DNAH1: variants seen among roughly 807,000 people sequenced by gnomAD.
DNAH1 encodes axonemal beta dynein heavy chain 1.
DNAH1 carries 327 observed loss-of-function variants against 484.3 expected under a neutral mutation model. That is an observed-to-expected ratio of 0.68 (90% CI 0.62 to 0.74). The LOEUF (loss-of-function observed/expected upper bound fraction) is 0.74. Ranked by LOEUF, DNAH1 falls within the 30% of genes least tolerant of loss-of-function variation. The pLI is 0.00. For synonymous variants in DNAH1, 2,192 were observed against 2,191.9 expected (o/e 1.00, Z 0.00); for missense variants, 5,052 against 5,546.8 (o/e 0.91, Z 2.83).
At chr3:52,311,269 T>C in the DNAH1 span, among the ~76,000 whole-genome samples, 1 of 152,258 alleles carries the variant, frequency 6.6e-6, no homozygotes, top group Non-Finnish European at 1.5e-5. Flanking sequence ...GGTCTGGCTC[T>C]GCCACTGGCT....
Position 52,361,109 on chromosome 3 carries a change from A to AG in DNAH1, c.4686-50dup. ...CCAGTCCACAGGAAATTCCAAGGAA[A>AG]GGGGGAGTGTCCAGGCCATGTGCGG... On this transcript the variant is annotated intron_variant, in intron 28 of 77. Transcript: ENST00000420323. The surrounding 1 kb of genome is among the most constrained non-coding windows in gnomAD (Gnocchi z 5.6). The AG allele has an allele frequency of 7.2e-7, 1 of 1,392,950 alleles. No individual in the cohort carries two copies. Among genetic ancestry groups the AG allele is most frequent in the Middle Eastern group, 1.9e-4 (1 of 5,164 alleles). 86.3% of individuals were successfully genotyped at this position (1,392,950 alleles called of 1,614,324 possible).
chr3:52,372,318 T>A lies in DNAH1; in HGVS notation c.6758T>A (p.Phe2253Tyr), dbSNP rs896685100. The change falls in exon 43 of 78, where the codon TTC (phenylalanine) becomes TAC (tyrosine). Residue 2253 changes from phenylalanine to tyrosine, a missense_variant. By Grantham distance (22) the Phe-to-Tyr change is conservative (BLOSUM62 3). This residue lies in a region of DNAH1 where 2,929 missense variants were observed against 3,409.4 expected (regional missense o/e 0.86). Transcript: ENST00000420323. ...CTGGCACTGGATTACATCAGCCACT[T>A]CCTCACCTTCTCAGCCCGCACTTCA... ...KNLALDYISH[F>Y]LTFSARTSAN... 1 of 1,613,952 alleles carries A rather than the reference T, an allele frequency of 6.2e-7. No homozygotes were observed. The highest frequency in any genetic ancestry group is 8.5e-7 in the Non-Finnish European group (1 of 1,179,858).
intron 8 of DNAH1, among the ~76,000 whole-genome samples, chr3:52,335,671 G>C (rs893751557): frequency 6.7e-6 from 1 of 150,198 alleles, no homozygotes; most frequent in Non-Finnish European, 1.5e-5. Context: ...TTTTGTTCTT[G>C]TTACCCATGC....
intron 54 of DNAH1, 23 bp from the exon 55 acceptor site, chr3:52,386,137 A>G: frequency 6.2e-7 from 1 of 1,601,112 alleles, no homozygotes. Context: ...GGGGGAGGAC[A>G]TCCCTATGTC....
Position 52,380,126 on chromosome 3 carries a change from TGA to T in DNAH1, c.7603_7604del (p.Ser2535Ter). The part of the protein sequence containing the change: ...DVKSYELITS[E>X]SKMMQVIEEY... ...TCAAGTCCTACGAGCTCATCACCAG[TGA>T]GAGTAAGGTGAGGGGCCCAGGCAGG... On this transcript the variant is annotated frameshift_variant, in exon 48 of 78. Coordinates refer to ENST00000420323, the MANE Select transcript of DNAH1 (RefSeq NM_015512.5). LOFTEE classifies it high-confidence loss of function. The T allele has an allele frequency of 6.3e-7, 1 of 1,592,728 alleles. No homozygotes were observed. The highest frequency in any genetic ancestry group is 8.5e-7 in the Non-Finnish European group (1 of 1,169,636).
chr3:52,339,237 T>C (rs995008970), intron 8 of DNAH1, among the ~76,000 whole-genome samples: 1 of 152,106 alleles, frequency 6.6e-6, no homozygotes, highest in African/African-American at 2.4e-5. Context: ...TTTTAAAATT[T>C]TATTTTCTTT....
intron 8 of DNAH1, among the ~76,000 whole-genome samples, chr3:52,340,408 T>TTTTATTTATTTA (rs55652606): frequency 4.7e-5 from 7 of 148,270 alleles, no homozygotes; most frequent in Middle Eastern, 3.4e-3. Flanking sequence ...TCTGGTAGGA[T>TTTTATTTATTTA]TTTATTTATT....
In DNAH1 at chr3:52,363,157, C is replaced by T. The variant is rs1180034560; in HGVS notation, c.5244+13C>T. ...GCTCAGCTCCCAGGTGTGGTCCTGC[C>T]CTGATGGGTTTCCAGGGTCTGAAAA... On this transcript the variant is annotated intron_variant, in intron 32 of 77. Transcript: ENST00000420323. 2 of 1,611,918 alleles carry T rather than the reference C, an allele frequency of 1.2e-6. No individual in the cohort carries two copies. Among genetic ancestry groups the T allele is most frequent in the Non-Finnish European group, 8.5e-7 (1 of 1,178,430 alleles).
intron 1 of DNAH1, chr3:52,317,889 T>G (rs1226405732): frequency 6.6e-6 from 1 of 152,316 alleles, no homozygotes; most frequent in Non-Finnish European, 1.5e-5. Flanking sequence ...ATCCCCGCAC[T>G]GCTCGGTGGA....
In DNAH1 at chr3:52,396,317, G is replaced by T; in HGVS notation, c.11260-51G>T. ...TGGGCAGGAGGGAGCCTGGTGTCAG[G>T]GTGGCCACCAGATATGGGTCTCAAT... is the stretch of plus-strand genomic sequence containing the variant. On this transcript the variant is annotated intron_variant, in intron 70 of 77. Coordinates refer to ENST00000420323, the MANE Select transcript of DNAH1 (RefSeq NM_015512.5). The T allele has an allele frequency of 2.0e-6, 3 of 1,525,844 alleles. No individual in the cohort carries two copies. The South Asian group carries it at 3.7e-5, about 19-fold the overall frequency. 94.5% of individuals were successfully genotyped at this position (1,525,844 alleles called of 1,614,324 possible). A position where few individuals can be genotyped will look rare whatever the true frequency, so the allele number is the denominator to read the frequency against.
chr3:52,359,798 C>A (rs755524997), intron 26 of DNAH1, 118 bp from the exon 27 acceptor site: 3 of 1,364,430 alleles, frequency 2.2e-6, no homozygotes, highest in Non-Finnish European at 3.0e-6. Flanking sequence ...CCAACTCAGA[C>A]CATCAGAGAC....
intron 52 of DNAH1, 139 bp downstream of exon 52, chr3:52,384,170 A>C: frequency 1.1e-6 from 1 of 930,736 alleles, no homozygotes; most frequent in Non-Finnish European, 1.6e-6. Context: ...TTTCCTGTCT[A>C]AGCCTCCATT....
intron 52 of DNAH1, 70 bp downstream of exon 52, chr3:52,384,101 C>A: frequency 2.1e-6 from 3 of 1,434,694 alleles, no homozygotes; most frequent in Non-Finnish European, 2.8e-6. Flanking sequence ...TCAGGGTCAC[C>A]AAGGTCTGGG....
chr3:52,388,703 C>T (rs781670250), intron 58 of DNAH1, 94 bp downstream of exon 58: 19 of 1,604,750 alleles, frequency 1.2e-5, no homozygotes, highest in African/African-American at 2.7e-5. Flanking sequence ...GGGTGGCTGT[C>T]CACACCCCCT....
intron 44 of DNAH1, chr3:52,373,768 G>T (rs945796687): frequency 3.9e-5 from 56 of 1,419,018 alleles, no homozygotes; most frequent in Admixed American, 1.3e-4. Flanking sequence ...GAATTAAAAC[G>T]AGCTGCTTTA....
chr3:52,333,833 A>G (rs936828352), intron 8 of DNAH1, among the ~76,000 whole-genome samples: 7 of 152,232 alleles, frequency 4.6e-5, no homozygotes, highest in Admixed American at 1.3e-4. Context: ...TTATTATAAA[A>G]TAGGCTTTGT....
At chr3:52,369,169 T>G (rs1246255587) in intron 37 of DNAH1, among the ~76,000 whole-genome samples, 3 of 152,090 alleles carry the variant, frequency 2.0e-5, no homozygotes, top group African/African-American at 7.2e-5. Context: ...ACACAGACCC[T>G]CTTTCTTTTG....
Position 52,391,286 on chromosome 3 carries a change from C to G in DNAH1, c.9849C>G (p.Gly3283=), listed in dbSNP as rs749552811. 3 of 1,612,578 alleles carry G rather than the reference C, an allele frequency of 1.9e-6. No homozygotes were observed. In the East Asian group the frequency reaches 6.7e-5, roughly 36 times the overall value. The change falls in exon 62 of 78, where the codon GGC becomes GGG. Residue 3283 remains glycine (G), a synonymous_variant. Coordinates refer to ENST00000420323, the MANE Select transcript of DNAH1 (RefSeq NM_015512.5). The part of the protein sequence containing the change: ...FGKPCLLENV[G]EELDPALEPV... ...AGCCATGTCTCCTGGAGAACGTGGG[C>G]GAGGAGCTAGACCCAGCCCTGGAGC...
At chr3:52,327,262 C>A (rs1369757735) in intron 5 of DNAH1, among the ~76,000 whole-genome samples, 1 of 152,084 alleles carries the variant, frequency 6.6e-6, no homozygotes, top group African/African-American at 2.4e-5. Flanking sequence ...ATGGGAAGAG[C>A]AGGGATGGAA....
Sources: gnomAD v4.1 joint callset for allele counts (sites outside exome capture counted in the v4.1 genomes callset) on GRCh38, gnomAD v4.1.1 for gene constraint, gnomAD v4.1.1 regional missense constraint, Gnocchi (gnomAD v3.1) non-coding constraint, MANE v1.5 for transcripts, NCBI Gene and HGNC (gene_info 2026-07-23, HGNC 2026-07-21) for gene names.